ESRRG: variants seen among roughly 807,000 people sequenced by gnomAD.
ESRRG encodes estrogen-related receptor gamma.
A neutral mutation model predicts 44.0 loss-of-function variants in ESRRG; 13 were observed. That is an observed-to-expected ratio of 0.30 (90% CI 0.19 to 0.47). ESRRG has a LOEUF of 0.47. Ranked by LOEUF, ESRRG falls within the 20% of genes least tolerant of loss-of-function variation. The probability of loss-of-function intolerance (pLI) is 1.00; values close to 1 mark genes in which losing one functional copy is unlikely to be tolerated. For synonymous variants in ESRRG, 215 were observed against 214.6 expected, an observed-to-expected ratio of 1.00 and a Z score of -0.02; for missense variants, 395 against 580.6, an observed-to-expected ratio of 0.68 and a Z score of 3.29.
rs763254196 is a variant in ESRRG at position 216,541,561 on chromosome 1, A to AATGT, written c.863-22141_863-22140insACAT. On this transcript the variant is annotated intron_variant, in intron 5 of 6. Coordinates refer to ENST00000408911, the MANE Select transcript of ESRRG (RefSeq NM_001438.4). ...GCTCAGCTATTTGAGTCTTTTGGTT[A>AATGT]GTGTGTGTGTGTGTGTGTGTGTGTG... is the stretch of plus-strand genomic sequence containing the variant. Among the ~76,000 whole-genome samples the AATGT allele has an allele frequency of 4.6e-5, 6 of 130,314 alleles. No homozygotes were observed. The East Asian group carries it at 1.4e-3, about 29-fold the overall frequency. The allele number at this position is 130,314 out of a possible 152,430, so 85.5% of individuals were successfully genotyped here.
chr1:216,764,256 C>A (rs1287752611), intron 2 of ESRRG, among the ~76,000 whole-genome samples: 2 of 151,432 alleles, frequency 1.3e-5, no homozygotes, highest in African/African-American at 4.9e-5. Context: ...GCTAGGTTGC[C>A]CAGGCTGGAC....
rs1271676223 is a variant in ESRRG at position 216,707,583 on chromosome 1, A to G, written c.56+15661T>C. On this transcript the variant is annotated intron_variant, in intron 1 of 6. Coordinates refer to ENST00000408911, the MANE Select transcript of ESRRG (RefSeq NM_001438.4). ...CTTAAGTCCTGAATTTATTTTATGA[A>G]GACTGACTCCTTTTTACATTGGAGA... 2.4e-6 allele frequency: 3 copies of G among 1,241,094 alleles called. No homozygotes were observed. The African/African-American group carries it at 4.6e-5, about 19-fold the overall frequency. The allele number at this position is 1,241,094 out of a possible 1,614,324, so 76.9% of individuals were successfully genotyped here. A position where few individuals can be genotyped will look rare whatever the true frequency, so the allele number is the denominator to read the frequency against.
intron 2 of ESRRG, among the ~76,000 whole-genome samples, chr1:216,663,798 T>C (rs2073173791): frequency 1.3e-5 from 2 of 152,046 alleles, no homozygotes; most frequent in South Asian, 4.1e-4. Flanking sequence ...CTAAAATAAA[T>C]AATTAAATAA....
At chr1:217,004,256 G>A (rs2077434315) in intron 1 of ESRRG, among the ~76,000 whole-genome samples, 1 of 152,182 alleles carries the variant, frequency 6.6e-6, no homozygotes, top group African/African-American at 2.4e-5. Context: ...GTTTGGCTGT[G>A]TCCCCACCCA....
intron 1 of ESRRG, among the ~76,000 whole-genome samples, chr1:217,004,704 A>G (rs1230347642): frequency 6.6e-6 from 1 of 152,226 alleles, no homozygotes; most frequent in Non-Finnish European, 1.5e-5. Flanking sequence ...TTAAGAAATT[A>G]ATCTGTATAA....
intron 1 of ESRRG, among the ~76,000 whole-genome samples, chr1:217,109,633 T>A (rs1434499789): frequency 6.6e-6 from 1 of 152,110 alleles, no homozygotes; most frequent in East Asian, 1.9e-4. Context: ...TACCATAAAA[T>A]GCACTCCTGC....
At chr1:216,963,759 G>A (rs1323216546) in intron 1 of ESRRG, among the ~76,000 whole-genome samples, 2 of 152,212 alleles carry the variant, frequency 1.3e-5, no homozygotes, top group East Asian at 3.9e-4. Context: ...CTTTGTGCAG[G>A]GCTCTATGGA....
chr1:216,781,703 T>C (rs2093942130), intron 2 of ESRRG, among the ~76,000 whole-genome samples: 1 of 152,018 alleles, frequency 6.6e-6, no homozygotes, highest in South Asian at 2.1e-4. Context: ...CACTTCTGTC[T>C]CCTTTCGTGG....
chr1:217,110,182 C>T (rs1284742744), intron 1 of ESRRG, among the ~76,000 whole-genome samples: 1 of 152,210 alleles, frequency 6.6e-6, no homozygotes, highest in Non-Finnish European at 1.5e-5. Context: ...CTTTCATGCA[C>T]ACGCCAAATA....
At chr1:216,769,474 G>C (rs1424443332) in intron 2 of ESRRG, among the ~76,000 whole-genome samples, 1 of 152,038 alleles carries the variant, frequency 6.6e-6, no homozygotes, top group Admixed American at 6.6e-5. Context: ...GTCATCAAAG[G>C]CCTCAACTTC....
chr1:217,034,149 T>C (rs2082480602), intron 1 of ESRRG, among the ~76,000 whole-genome samples: 2 of 152,204 alleles, frequency 1.3e-5, no homozygotes, highest in East Asian at 1.9e-4. Flanking sequence ...GTTATTTACA[T>C]ATAATAGATC....
In ESRRG at chr1:216,597,142, T is replaced by C. The variant is rs73089943; in HGVS notation, c.590-29044A>G. ...AAATTGGCTTTACCTGTTGGCCTCA[T>C]TATAGTCACCCAATTCCATTTATTC... On this transcript the variant is annotated intron_variant, in intron 3 of 6. Transcript: ENST00000408911. Among the ~76,000 whole-genome samples, 1,358 of 152,296 alleles carry C rather than the reference T, an allele frequency of 8.9e-3. 21 individuals carry two copies. Among genetic ancestry groups the C allele is most frequent in the African/African-American group, 0.029 (1,218 of 41,560 alleles).
At chr1:216,801,063 C>T (rs143991850) in intron 2 of ESRRG, among the ~76,000 whole-genome samples, 1 of 151,966 alleles carries the variant, frequency 6.6e-6, no homozygotes, top group Non-Finnish European at 1.5e-5. Flanking sequence ...CATAATGGAG[C>T]AAATTAACAT....
chr1:216,773,076 C>T (rs2093447155), intron 2 of ESRRG, among the ~76,000 whole-genome samples: 1 of 151,936 alleles, frequency 6.6e-6, no homozygotes, highest in Non-Finnish European at 1.5e-5. Flanking sequence ...TTCGGGTAGG[C>T]AGAGAAGTCA....
At chr1:216,873,353 A>G (rs1230961854) in intron 2 of ESRRG, among the ~76,000 whole-genome samples, 1 of 151,574 alleles carries the variant, frequency 6.6e-6, no homozygotes, top group East Asian at 1.9e-4. Flanking sequence ...CTGGGATTAC[A>G]GGCGCCAGCC....
chr1:217,040,123 T>C (rs989266771), intron 1 of ESRRG, among the ~76,000 whole-genome samples: 1 of 152,224 alleles, frequency 6.6e-6, no homozygotes, highest in Non-Finnish European at 1.5e-5. Flanking sequence ...ACATCCCTAA[T>C]TGCCCTCATG....
chr1:216,657,511 C>T (rs1351874500), intron 2 of ESRRG, among the ~76,000 whole-genome samples: 1 of 152,076 alleles, frequency 6.6e-6, no homozygotes, highest in Non-Finnish European at 1.5e-5. Context: ...ACATGAAGCC[C>T]GATGATTTTT....
rs774565857 is a variant in ESRRG at position 216,549,216 on chromosome 1, A to T, written c.862+15003T>A. 7.9e-4 allele frequency among the ~76,000 whole-genome samples: 120 copies of T among 152,148 alleles called. 1 individual carries two copies. Among genetic ancestry groups the T allele is most frequent in the Non-Finnish European group, 1.5e-3 (101 of 68,030 alleles). On this transcript the variant is annotated intron_variant, in intron 5 of 6. Transcript: ENST00000408911. ...AAAATGAACAAAAGTGATGTCAGTA[A>T]CTAGGTAAGGCTAAGACCAAAAAGA...
intron 1 of ESRRG, among the ~76,000 whole-genome samples, chr1:216,691,480 G>A (rs993793485): frequency 2.0e-5 from 3 of 152,248 alleles, no homozygotes; most frequent in East Asian, 3.9e-4. Flanking sequence ...ACACCTAGAT[G>A]ACTTTCCTTA....
Sources: gnomAD v4.1 joint callset for allele counts (sites outside exome capture counted in the v4.1 genomes callset) on GRCh38, gnomAD v4.1.1 for gene constraint, MANE v1.5 for transcripts, NCBI Gene and HGNC (gene_info 2026-07-23, HGNC 2026-07-21) for gene names.